Variants in UNC5D observed in about 807,000 individuals in gnomAD.
UNC5D encodes netrin receptor UNC5D.
A neutral mutation model predicts 105.4 loss-of-function variants in UNC5D; 39 were observed. The ratio of observed to expected loss-of-function variants is 0.37; its 90% CI spans 0.29 to 0.48. UNC5D has a LOEUF of 0.48. UNC5D is among the 20% of genes least tolerant of loss of function. The pLI, the probability that UNC5D is intolerant of heterozygous loss-of-function variation, is 0.98. For synonymous variants in UNC5D, 452 were observed against 450.4 expected (o/e 1.00, Z -0.04); for missense variants, 991 against 1,202.4 (o/e 0.82, Z 2.60).
intron 1 of UNC5D, among the ~76,000 whole-genome samples, chr8:35,459,141 A>G (rs1466817650): frequency 2.0e-5 from 3 of 151,972 alleles, no homozygotes; most frequent in Non-Finnish European, 4.4e-5. Context: ...TTGTGGTATG[A>G]GGGGAAGAAG....
At chr8:35,374,629 T>A (rs1264839914) in intron 1 of UNC5D, among the ~76,000 whole-genome samples, 2 of 152,198 alleles carry the variant, frequency 1.3e-5, no homozygotes, top group African/African-American at 4.8e-5. Context: ...TATTTGTTAC[T>A]GTCTCAAAAG....
intron 1 of UNC5D, among the ~76,000 whole-genome samples, chr8:35,496,199 A>G (rs1267649843): frequency 6.6e-6 from 1 of 152,186 alleles, no homozygotes; most frequent in Non-Finnish European, 1.5e-5. Flanking sequence ...AGGTTGGGGT[A>G]GAAGAGGTTG....
intron 1 of UNC5D, among the ~76,000 whole-genome samples, chr8:35,541,512 T>C (rs1311908469): frequency 6.6e-6 from 1 of 152,202 alleles, no homozygotes; most frequent in African/African-American, 2.4e-5. Context: ...AAGATTTCTC[T>C]CTTACCTTTT....
At chr8:35,439,093 G>C (rs904583789) in intron 1 of UNC5D, among the ~76,000 whole-genome samples, 1 of 151,752 alleles carries the variant, frequency 6.6e-6, no homozygotes, top group Non-Finnish European at 1.5e-5. Context: ...TCAGCCCCTA[G>C]TTCTAGATCT....
chr8:35,677,350 C>T (rs534866645), intron 4 of UNC5D, among the ~76,000 whole-genome samples: 1 of 152,106 alleles, frequency 6.6e-6, no homozygotes, highest in Non-Finnish European at 1.5e-5. Context: ...AGAACAGTCC[C>T]TTGTCTTTAA....
In UNC5D at chr8:35,689,158, A is replaced by G. The variant is rs117129187; in HGVS notation, c.1084+2449A>G. Among the ~76,000 whole-genome samples the G allele has an allele frequency of 6.2e-3, 948 of 152,342 alleles. 7 individuals carry two copies. The highest frequency in any genetic ancestry group is 0.011 in the Non-Finnish European group (753 of 68,034). On this transcript the variant is annotated intron_variant, in intron 7 of 16. Transcript: ENST00000404895. ...TTGTACTTGCACTTGGGGAAAATCA[A>G]TGGATATCAGGCTTCAATCTTAATT...
At chr8:35,269,387 T>C (rs1200301612) in intron 1 of UNC5D, among the ~76,000 whole-genome samples, 2 of 152,182 alleles carry the variant, frequency 1.3e-5, no homozygotes, top group African/African-American at 4.8e-5. Context: ...GTCTTACCTG[T>C]CTTGCTTACT....
intron 7 of UNC5D, among the ~76,000 whole-genome samples, chr8:35,696,282 A>ATTTTTTTT (rs755876112): frequency 2.7e-4 from 30 of 113,166 alleles, no homozygotes; most frequent in African/African-American, 3.0e-4. Flanking sequence ...TCAATATTTA[A>ATTTTTTTT]TTTTTTTTTT....
At chr8:35,684,812 ACAAT>A in intron 6 of UNC5D, 63 bp downstream of exon 6, 3 of 1,487,496 alleles carry the variant, frequency 2.0e-6, no homozygotes, top group Non-Finnish European at 2.7e-6. Context: ...CTGGTGTGAA[ACAAT>A]CAATGTTACC....
rs184218202 is a variant in UNC5D at position 35,680,809 on chromosome 8, C to G, written c.571-2738C>G. Among the ~76,000 whole-genome samples the G allele has an allele frequency of 1.8e-3, 267 of 152,224 alleles. 3 individuals carry two copies. The highest frequency in any genetic ancestry group is 6.2e-3 in the African/African-American group (257 of 41,560). On this transcript the variant is annotated intron_variant, in intron 4 of 16. Coordinates refer to ENST00000404895, the MANE Select transcript of UNC5D (RefSeq NM_080872.4). ...TGAATAATTTATTTATGGGTCAGTGCCAGACTTCTCTACTTCCTGACAAAC... is the reference window on the plus strand; with the variant it reads ...TGAATAATTTATTTATGGGTCAGTGGCAGACTTCTCTACTTCCTGACAAAC...
chr8:35,527,228 G>C (rs1813944322), intron 1 of UNC5D, among the ~76,000 whole-genome samples: 2 of 151,960 alleles, frequency 1.3e-5, no homozygotes, highest in African/African-American at 4.8e-5. Context: ...GCTGTATACA[G>C]CAGGTGATCC....
intron 1 of UNC5D, among the ~76,000 whole-genome samples, chr8:35,245,049 A>G (rs923470503): frequency 2.6e-5 from 4 of 152,120 alleles, no homozygotes; most frequent in Admixed American, 6.6e-5. Flanking sequence ...ATGCCATTAG[A>G]GACACCAATT....
At position 35,241,623 on chromosome 8, in the gene UNC5D, A is replaced by G. The variant is rs182263940; in HGVS notation, c.103+5736A>G. The stretch of plus-strand genomic sequence containing the variant: ...AAAATGAGGTCAGTATTCTTCTTAT[A>G]TGACCAGTCTCACTTTTTTTTTTTC... On this transcript the variant is annotated intron_variant, in intron 1 of 16. Transcript: ENST00000404895. Among the ~76,000 whole-genome samples, 110 of 152,122 alleles carry G rather than the reference A, an allele frequency of 7.2e-4. 2 individuals carry two copies. The highest frequency in any genetic ancestry group is 3.4e-3 in the Middle Eastern group (1 of 294).
chr8:35,368,537 T>G (rs1802261039), intron 1 of UNC5D, among the ~76,000 whole-genome samples: 1 of 151,306 alleles, frequency 6.6e-6, no homozygotes, highest in Non-Finnish European at 1.5e-5. Context: ...AATTTTACTA[T>G]TACCTAAGAA....
At chr8:35,313,791 A>G (rs1008830960) in intron 1 of UNC5D, among the ~76,000 whole-genome samples, 1 of 152,206 alleles carries the variant, frequency 6.6e-6, no homozygotes, top group African/African-American at 2.4e-5. Context: ...TAATAACAGT[A>G]CAACCCTCAT....
chr8:35,484,907 G>A (rs908677031), intron 1 of UNC5D, among the ~76,000 whole-genome samples: 2 of 152,182 alleles, frequency 1.3e-5, no homozygotes, highest in African/African-American at 4.8e-5. Context: ...GATGTAACAA[G>A]CAGAGCCAAG....
In UNC5D at chr8:35,500,238, C is replaced by T. The variant is rs375657139; in HGVS notation, c.104-49054C>T. 8.5e-5 allele frequency among the ~76,000 whole-genome samples: 13 copies of T among 152,260 alleles called. No homozygotes were observed. The South Asian group carries it at 2.3e-3, about 27-fold the overall frequency. On this transcript the variant is annotated intron_variant, in intron 1 of 16. Coordinates refer to ENST00000404895, the MANE Select transcript of UNC5D (RefSeq NM_080872.4). ...AAGTCCAAGAGCATAGTGCTAGCATCTGTTGAGGGCCTTCCTACTGCATCA... is the reference window on the plus strand; with the variant it reads ...AAGTCCAAGAGCATAGTGCTAGCATTTGTTGAGGGCCTTCCTACTGCATCA...
chr8:35,777,051 C>T lies in UNC5D; in HGVS notation c.2657+2574C>T, dbSNP rs186632389. Among the ~76,000 whole-genome samples the T allele has an allele frequency of 9.2e-5, 14 of 152,228 alleles. No individual in the cohort carries two copies. The East Asian group carries it at 2.5e-3, about 27-fold the overall frequency. On this transcript the variant is annotated intron_variant, in intron 16 of 16. Transcript: ENST00000404895. ...TGGGCGGATCACGAGGTCAGGAGTTCGAGACCAGCCTGACCAACATGGTGA... is the reference window on the plus strand; with the variant it reads ...TGGGCGGATCACGAGGTCAGGAGTTTGAGACCAGCCTGACCAACATGGTGA...
At chr8:35,263,139 C>G (rs1804602929) in intron 1 of UNC5D, among the ~76,000 whole-genome samples, 1 of 152,130 alleles carries the variant, frequency 6.6e-6, no homozygotes, top group Admixed American at 6.5e-5. Flanking sequence ...AGTTGCTTCA[C>G]CTCTCTATCA....
Sources: allele counts gnomAD v4.1 joint callset (sites outside exome capture counted in the v4.1 genomes callset), GRCh38; gene constraint gnomAD v4.1.1; transcripts MANE v1.5; gene names NCBI Gene and HGNC (gene_info 2026-07-23, HGNC 2026-07-21).